MAF: variants seen among roughly 807,000 people sequenced by gnomAD.
The protein encoded by MAF is MAF bZIP transcription factor, also known as transcription factor Maf.
Under a neutral mutation model 22.0 loss-of-function variants are expected in MAF, and 10 were observed. The ratio of observed to expected loss-of-function variants is 0.45; its 90% CI spans 0.28 to 0.77. The LOEUF is 0.77. Ranked by LOEUF, MAF falls within the 30% of genes least tolerant of loss-of-function variation. The pLI is 0.12. For synonymous variants in MAF, 337 were observed against 255.8 expected (o/e 1.32, Z -3.03); for missense variants, 544 against 548.4 (o/e 0.99, Z 0.08).
chr16:79,296,282 G>T, the MAF span, among the ~76,000 whole-genome samples: 1 of 152,170 alleles, frequency 6.6e-6, no homozygotes, highest in South Asian at 2.1e-4. Flanking sequence ...ATACAGGTTG[G>T]AAGGATTAAT....
At chr16:79,425,094 A>T in the MAF span, among the ~76,000 whole-genome samples, 1 of 152,170 alleles carries the variant, frequency 6.6e-6, no homozygotes, top group Non-Finnish European at 1.5e-5. Context: ...ATATACCCAA[A>T]GATGATGAAT....
the MAF span, among the ~76,000 whole-genome samples, chr16:79,219,300 A>G: frequency 6.6e-6 from 1 of 152,116 alleles, no homozygotes; most frequent in Non-Finnish European, 1.5e-5. Flanking sequence ...TCCCTGAGGG[A>G]CAGTCCATTT....
chr16:79,430,111 A>C, the MAF span, among the ~76,000 whole-genome samples: 104 of 152,282 alleles, frequency 6.8e-4, no homozygotes, highest in African/African-American at 2.4e-3. Context: ...GCTTCAACCC[A>C]GCCTCCCGCT....
At chr16:79,264,272 TGTAAG>T in the MAF span, among the ~76,000 whole-genome samples, 6 of 152,276 alleles carry the variant, frequency 3.9e-5, no homozygotes, top group Admixed American at 3.9e-4. Flanking sequence ...TTTGGACAGT[TGTAAG>T]GGAACTAAAA....
the MAF span, among the ~76,000 whole-genome samples, chr16:79,429,513 C>A: frequency 6.6e-6 from 1 of 152,178 alleles, no homozygotes; most frequent in Non-Finnish European, 1.5e-5. Context: ...GGACTGCAGT[C>A]ATTTCCAAAG....
the MAF span, among the ~76,000 whole-genome samples, chr16:79,278,158 C>G: frequency 1.3e-5 from 2 of 152,190 alleles, no homozygotes; most frequent in African/African-American, 4.8e-5. Context: ...GTCCAGGTAC[C>G]TGCCCCCTGC....
the MAF span, among the ~76,000 whole-genome samples, chr16:79,415,629 C>T: frequency 2.0e-5 from 3 of 151,990 alleles, no homozygotes; most frequent in African/African-American, 7.3e-5. Flanking sequence ...AGCTTGCATC[C>T]TATGGTTGCC....
chr16:79,330,262 T>A, the MAF span, among the ~76,000 whole-genome samples: 1 of 152,238 alleles, frequency 6.6e-6, no homozygotes, highest in Non-Finnish European at 1.5e-5. Flanking sequence ...GGGCATTTTG[T>A]TTTTGAGAAC....
chr16:79,464,938 C>T, the MAF span, among the ~76,000 whole-genome samples: 1 of 152,124 alleles, frequency 6.6e-6, no homozygotes, highest in African/African-American at 2.4e-5. Context: ...ACAGAAATGA[C>T]CTCAAAAGAA....
chr16:79,594,722 A>AG, intron 1 of MAF, 169 bp from the exon 2 acceptor site: 2 of 1,429,558 alleles, frequency 1.4e-6, no homozygotes, highest in South Asian at 3.0e-5. Flanking sequence ...GAAAAAAAAA[A>AG]CATGTATTTG....
At chr16:79,553,036 T>C in the MAF span, among the ~76,000 whole-genome samples, 2 of 152,134 alleles carry the variant, frequency 1.3e-5, no homozygotes, top group African/African-American at 4.8e-5. Context: ...AATTTCCAGG[T>C]TGTGTGATCT....
At chr16:79,310,732 G>C in the MAF span, among the ~76,000 whole-genome samples, 3 of 152,242 alleles carry the variant, frequency 2.0e-5, no homozygotes, top group Non-Finnish European at 4.4e-5. Flanking sequence ...TTCCAGAGCA[G>C]GGTGGAGTGG....
At chr16:79,407,515 T>C in the MAF span, among the ~76,000 whole-genome samples, 1 of 152,136 alleles carries the variant, frequency 6.6e-6, no homozygotes, top group South Asian at 2.1e-4. Flanking sequence ...GGGGGTGAAG[T>C]CCTGTAATCG....
chr16:79,233,672 G>GA, the MAF span, among the ~76,000 whole-genome samples: 25 of 152,146 alleles, frequency 1.6e-4, no homozygotes, highest in African/African-American at 5.5e-4. Context: ...ATTGACATTT[G>GA]AAAAATGGTA....
At chr16:79,578,682 A>G in the MAF span, among the ~76,000 whole-genome samples, 3 of 152,224 alleles carry the variant, frequency 2.0e-5, no homozygotes, top group African/African-American at 7.2e-5. Flanking sequence ...CCATCCGTCC[A>G]AGTTGAAACC....
the MAF span, among the ~76,000 whole-genome samples, chr16:79,432,598 G>T: frequency 6.6e-6 from 1 of 152,126 alleles, no homozygotes; most frequent in Non-Finnish European, 1.5e-5. Flanking sequence ...GCAGATAAGG[G>T]GGGAACATTG....
the MAF span, among the ~76,000 whole-genome samples, chr16:79,543,676 C>CT: frequency 2.4e-3 from 329 of 137,168 alleles, no homozygotes; most frequent in South Asian, 5.2e-3. Flanking sequence ...TTTTCTTTTT[C>CT]TTTTTTTTTT....
chr16:79,501,707 C>T, the MAF span, among the ~76,000 whole-genome samples: 1 of 152,170 alleles, frequency 6.6e-6, no homozygotes, highest in Non-Finnish European at 1.5e-5. Flanking sequence ...GATTATTTCA[C>T]TTTGATTTAC....
the MAF span, among the ~76,000 whole-genome samples, chr16:79,328,088 G>A: frequency 1.3e-5 from 2 of 152,304 alleles, no homozygotes; most frequent in East Asian, 1.9e-4. Context: ...AATAGCAAAA[G>A]TTGCTTTCAT....
Sources: gnomAD v4.1 joint callset for allele counts (sites outside exome capture counted in the v4.1 genomes callset) on GRCh38, gnomAD v4.1.1 for gene constraint, MANE v1.5 for transcripts, NCBI Gene and HGNC (gene_info 2026-07-23, HGNC 2026-07-21) for gene names.